The following NKAIN3 variants were observed in gnomAD, a reference collection of about 807,000 sequenced individuals.
The protein encoded by NKAIN3 is sodium/potassium transporting ATPase interacting 3, also known as sodium/potassium-transporting ATPase subunit beta-1-interacting protein 3.
NKAIN3 carries 25 observed loss-of-function variants against 30.2 expected under a neutral mutation model. That is an observed-to-expected ratio of 0.83 (90% CI 0.60 to 1.16). The LOEUF (loss-of-function observed/expected upper bound fraction) is 1.16, where lower values mean the gene tolerates loss of function less well. Ranked by LOEUF, NKAIN3 falls within the 50% of genes most tolerant of loss-of-function variation. The pLI is 0.00. For synonymous variants in NKAIN3, 91 were observed against 89.6 expected (o/e 1.02, Z -0.09); for missense variants, 225 against 254.1 (o/e 0.89, Z 0.78).
At chr8:62,294,168 A>G (rs1813751268) in intron 1 of NKAIN3, among the ~76,000 whole-genome samples, 1 of 151,846 alleles carries the variant, frequency 6.6e-6, no homozygotes, top group Non-Finnish European at 1.5e-5. Context: ...GAATTCTCTG[A>G]CCCCTTGTGC....
intron 1 of NKAIN3, among the ~76,000 whole-genome samples, chr8:62,435,128 C>G (rs1180374269): frequency 6.6e-6 from 1 of 152,134 alleles, no homozygotes; most frequent in East Asian, 1.9e-4. Flanking sequence ...GCTGACACCT[C>G]TAGCTGAGAG....
rs1817992332 is a variant in NKAIN3 at position 62,799,734 on chromosome 8, A to G, written c.471+52605A>G. On this transcript the variant is annotated intron_variant, in intron 4 of 6. Transcript: ENST00000623646. Reference sequence around the variant, plus strand: ...AAAAGTAAGTCATTATATAAAAAAGATACTTGCACATGCATGTTTATAGCA... The same window carrying G: ...AAAAGTAAGTCATTATATAAAAAAGGTACTTGCACATGCATGTTTATAGCA... 2.0e-5 allele frequency among the ~76,000 whole-genome samples: 3 copies of G among 152,220 alleles called. No homozygotes were observed. In the South Asian group the frequency reaches 6.2e-4, roughly 32 times the overall value.
chr8:62,358,542 T>C (rs1391418645), intron 1 of NKAIN3, among the ~76,000 whole-genome samples: 2 of 152,186 alleles, frequency 1.3e-5, no homozygotes, highest in Non-Finnish European at 2.9e-5. Flanking sequence ...TTCTTATATA[T>C]GAGTAATAGA....
chr8:62,503,998 T>G (rs767295719), intron 1 of NKAIN3, among the ~76,000 whole-genome samples: 7 of 152,158 alleles, frequency 4.6e-5, no homozygotes, highest in Non-Finnish European at 1.0e-4. Flanking sequence ...TATAAGAGTA[T>G]TATTAGGGAA....
rs1308254859 is a variant in NKAIN3, at chr8:62,973,278, CT to C, written c.*7872del. On this transcript the variant is annotated 3_prime_UTR_variant, in exon 7 of 7. Transcript: ENST00000623646. The stretch of plus-strand genomic sequence containing the variant: ...TCCACAATGGTTGAAGTAAATTACA[CT>C]CCCACCAACAGTGTTAAAAGCATTC... 1.3e-5 allele frequency among the ~76,000 whole-genome samples: 2 copies of C among 152,190 alleles called. No individual in the cohort carries two copies. The highest frequency in any genetic ancestry group is 4.8e-5 in the African/African-American group (2 of 41,438).
At chr8:62,462,670 G>A (rs781149801) in intron 1 of NKAIN3, among the ~76,000 whole-genome samples, 101 of 152,208 alleles carry the variant, frequency 6.6e-4, no homozygotes, top group Admixed American at 1.1e-3. Flanking sequence ...CTTGGACTAG[G>A]AGACATATAT....
chr8:62,506,479 T>TC (rs1360372467), intron 1 of NKAIN3, among the ~76,000 whole-genome samples: 3 of 109,328 alleles, frequency 2.7e-5, no homozygotes, highest in Middle Eastern at 4.7e-3. Flanking sequence ...TTTCTTTCTT[T>TC]TTTTTTTTTT....
intron 1 of NKAIN3, among the ~76,000 whole-genome samples, chr8:62,432,774 A>G (rs1166808558): frequency 6.6e-6 from 1 of 152,162 alleles, no homozygotes; most frequent in East Asian, 1.9e-4. Flanking sequence ...GTCTAAGAAC[A>G]GGAGACTGTT....
intron 1 of NKAIN3, among the ~76,000 whole-genome samples, chr8:62,391,150 T>C (rs552621514): frequency 5.3e-5 from 8 of 152,278 alleles, no homozygotes; most frequent in African/African-American, 1.4e-4. Context: ...CTTCCAGAAA[T>C]TGAAACTAGA....
Position 62,741,374 on chromosome 8 carries a change from G to GGAAGGAAGGAAGGAAA in NKAIN3, c.274-5543_274-5542insAGAAGGAAGGAAGGAA, listed in dbSNP as rs1287282358. Among the ~76,000 whole-genome samples, 428 of 125,216 alleles carry GGAAGGAAGGAAGGAAA rather than the reference G, an allele frequency of 3.4e-3. 2 individuals are homozygous for GGAAGGAAGGAAGGAAA. Among genetic ancestry groups the GGAAGGAAGGAAGGAAA allele is most frequent in the African/African-American group, 0.015 (406 of 26,896 alleles). The allele number at this position is 125,216 out of a possible 152,430, so 82.1% of individuals were successfully genotyped here. ...GAAAGAGAGAGAAAGAAGGAAGGAAGGAAGGAAGGAAGGAAGGAAGGAAGG... is the reference window on the plus strand; with the variant it reads ...GAAAGAGAGAGAAAGAAGGAAGGAAGGAAGGAAGGAAGGAAAGAAGGAAGGAAGGAAGGAAGGAAGG... On this transcript the variant is annotated intron_variant, in intron 3 of 6. Coordinates refer to ENST00000623646, the MANE Select transcript of NKAIN3 (RefSeq NM_001304533.3).
chr8:62,786,604 G>A (rs753770221), intron 4 of NKAIN3, among the ~76,000 whole-genome samples: 21 of 152,064 alleles, frequency 1.4e-4, no homozygotes, highest in Non-Finnish European at 2.4e-4. Flanking sequence ...AAGAAAATTG[G>A]TCTTGTAATT....
At chr8:62,374,182 C>T (rs904190477) in intron 1 of NKAIN3, among the ~76,000 whole-genome samples, 26 of 147,664 alleles carry the variant, frequency 1.8e-4, no homozygotes, top group Non-Finnish European at 3.3e-4. Context: ...AGAAATTATA[C>T]TTCTTGACTT....
At chr8:62,950,471 C>T (rs1250663369) in intron 5 of NKAIN3, among the ~76,000 whole-genome samples, 1 of 152,104 alleles carries the variant, frequency 6.6e-6, no homozygotes, top group Non-Finnish European at 1.5e-5. Context: ...AAAGATTCCT[C>T]CTTAATAGTT....
chr8:62,442,818 C>A (rs1329489564), intron 1 of NKAIN3, among the ~76,000 whole-genome samples: 1 of 151,872 alleles, frequency 6.6e-6, no homozygotes, highest in Non-Finnish European at 1.5e-5. Context: ...TTCCCCCATA[C>A]CATTACCATT....
chr8:62,333,996 A>T (rs1459632596), intron 1 of NKAIN3, among the ~76,000 whole-genome samples: 2 of 152,128 alleles, frequency 1.3e-5, no homozygotes, highest in Admixed American at 1.3e-4. Context: ...TTCAAGAAAC[A>T]GCATATAAAA....
intron 4 of NKAIN3, among the ~76,000 whole-genome samples, chr8:62,851,698 G>A (rs181677898): frequency 2.0e-5 from 3 of 152,236 alleles, no homozygotes; most frequent in African/African-American, 7.2e-5. Context: ...GGCCTTTTCT[G>A]CATCTATTGA....
chr8:62,432,108 C>T (rs1017690231), intron 1 of NKAIN3, among the ~76,000 whole-genome samples: 6 of 151,666 alleles, frequency 4.0e-5, no homozygotes, highest in Non-Finnish European at 8.8e-5. Flanking sequence ...ATTTGCTTCT[C>T]CTTAAAAAAT....
At chr8:62,279,565 G>A (rs1265083014) in intron 1 of NKAIN3, among the ~76,000 whole-genome samples, 2 of 152,132 alleles carry the variant, frequency 1.3e-5, no homozygotes, top group African/African-American at 4.8e-5. Context: ...ATGTAAGGAA[G>A]GGATCCAGTT....
chr8:62,929,805 A>G (rs1022261246), intron 5 of NKAIN3, among the ~76,000 whole-genome samples: 8 of 152,206 alleles, frequency 5.3e-5, no homozygotes, highest in African/African-American at 1.9e-4. Flanking sequence ...ATGTGGCCCA[A>G]CACAAATTTG....
Sources: allele counts gnomAD v4.1 joint callset (sites outside exome capture counted in the v4.1 genomes callset), GRCh38; gene constraint gnomAD v4.1.1; transcripts MANE v1.5; gene names NCBI Gene and HGNC (gene_info 2026-07-23, HGNC 2026-07-21).